Variants in HS6ST2 observed in about 807,000 individuals in gnomAD.
The protein encoded by HS6ST2 is heparan sulfate 6-O-sulfotransferase 2.
A neutral mutation model predicts 33.0 loss-of-function variants in HS6ST2; 17 were observed. The ratio of observed to expected loss-of-function variants is 0.52; its 90% confidence interval spans 0.35 to 0.77. HS6ST2 has a LOEUF of 0.77. HS6ST2 is among the 30% of genes least tolerant of loss of function. The pLI is 0.01. For missense variants in HS6ST2, 519 were observed against 551.7 expected, an observed-to-expected ratio of 0.94 and a Z score of 0.59; for synonymous variants, 248 against 237.1, an observed-to-expected ratio of 1.05 and a Z score of -0.42.
chrX:132,867,644 A>C (rs2066004138), intron 2 of HS6ST2, among the ~76,000 whole-genome samples: 1 of 111,428 alleles, frequency 9.0e-6, no homozygotes, highest in South Asian at 3.8e-4. Flanking sequence ...ATTGATTATA[A>C]GAAAACAATT....
chrX:132,945,408 G>T (rs1010125679), intron 2 of HS6ST2, among the ~76,000 whole-genome samples: 32 of 111,816 alleles, frequency 2.9e-4, no homozygotes, highest in Non-Finnish European at 3.8e-4. Flanking sequence ...CTGTTGCTGG[G>T]ACTGTAAACT....
intron 2 of HS6ST2, among the ~76,000 whole-genome samples, chrX:132,888,870 CAT>C (rs1491365937): frequency 6.3e-5 from 7 of 110,558 alleles, no homozygotes; most frequent in East Asian, 2.9e-4. Flanking sequence ...TGCTTGTGTG[CAT>C]GTGTGTGTGT....
At chrX:132,642,778 T>A (rs1432963376) in intron 4 of HS6ST2, among the ~76,000 whole-genome samples, 1 of 112,397 alleles carries the variant, frequency 8.9e-6, no homozygotes, top group Non-Finnish European at 1.9e-5. Flanking sequence ...ACTGAAGACA[T>A]GAAGATCCTG....
intron 2 of HS6ST2, among the ~76,000 whole-genome samples, chrX:132,737,909 CG>C (rs2064524654): frequency 8.9e-6 from 1 of 112,351 alleles, no homozygotes; most frequent in African/African-American, 3.2e-5. Context: ...CCAGAGAAGA[CG>C]CCTGCAGGGT....
intron 2 of HS6ST2, among the ~76,000 whole-genome samples, chrX:132,869,577 T>A (rs140296622): frequency 6.9e-4 from 77 of 112,165 alleles, no homozygotes; most frequent in African/African-American, 2.4e-3. Flanking sequence ...CATGATCAAG[T>A]CAGCTTCATT....
chrX:132,846,927 C>T (rs1438076199), intron 2 of HS6ST2, among the ~76,000 whole-genome samples: 1 of 110,669 alleles, frequency 9.0e-6, no homozygotes, highest in African/African-American at 3.3e-5. Context: ...GTCCACCTGC[C>T]ATGGAATCCC....
At chrX:132,822,935 G>A (rs2065474302) in intron 2 of HS6ST2, among the ~76,000 whole-genome samples, 1 of 112,294 alleles carries the variant, frequency 8.9e-6, no homozygotes, top group Non-Finnish European at 1.9e-5. Flanking sequence ...CATTACTGGG[G>A]AGCCAAGAGT....
rs867560276 is a variant in HS6ST2 at position 132,785,548 on chromosome X, T to C, written c.948-77054A>G. On this transcript the variant is annotated intron_variant, in intron 2 of 4. Coordinates refer to ENST00000370833, the MANE Select transcript of HS6ST2 (RefSeq NM_001394073.1). ...CCCTATAATGCAGCCCATTTGACTA[T>C]AAATCACTCCCAAAGGGACACACTA... Among the ~76,000 whole-genome samples the C allele has an allele frequency of 1.2e-4, 13 of 112,079 alleles. No individual in the cohort carries two copies. The South Asian group carries it at 3.4e-3, about 29-fold the overall frequency.
chrX:132,734,716 T>C (rs1241506670), intron 2 of HS6ST2, among the ~76,000 whole-genome samples: 2 of 112,493 alleles, frequency 1.8e-5, no homozygotes, highest in Non-Finnish European at 3.8e-5. Flanking sequence ...GCTGTCTCTT[T>C]ACAAGCAAAG....
intron 2 of HS6ST2, among the ~76,000 whole-genome samples, chrX:132,908,099 A>G (rs1022588014): frequency 8.9e-6 from 1 of 112,387 alleles, no homozygotes; most frequent in Non-Finnish European, 1.9e-5. Flanking sequence ...TCAAATAAGC[A>G]AAGAATCTGA....
chrX:132,683,121 C>T (rs1001584232), intron 3 of HS6ST2, among the ~76,000 whole-genome samples: 1 of 110,223 alleles, frequency 9.1e-6, no homozygotes, highest in Non-Finnish European at 1.9e-5. Flanking sequence ...CTCAATCAAT[C>T]AATCAATCAA....
At chrX:132,862,517 A>C (rs998876885) in intron 2 of HS6ST2, among the ~76,000 whole-genome samples, 1 of 112,455 alleles carries the variant, frequency 8.9e-6, no homozygotes, top group Non-Finnish European at 1.9e-5. Flanking sequence ...TCTACATGTA[A>C]TATGAGAATC....
intron 2 of HS6ST2, among the ~76,000 whole-genome samples, chrX:132,722,884 C>A (rs868171203): frequency 2.5e-3 from 209 of 82,032 alleles, no homozygotes; most frequent in African/African-American, 6.7e-3. Context: ...AATAAAAAAA[C>A]AAAAAAAAAA....
intron 3 of HS6ST2, among the ~76,000 whole-genome samples, chrX:132,680,062 C>T (rs185720409): frequency 9.4e-6 from 1 of 105,865 alleles, no homozygotes; most frequent in East Asian, 2.9e-4. Context: ...TCCTCCTCGG[C>T]TTACGAGATG....
intron 2 of HS6ST2, among the ~76,000 whole-genome samples, chrX:132,945,101 G>C (rs942820150): frequency 2.7e-5 from 3 of 111,523 alleles, no homozygotes; most frequent in African/African-American, 6.5e-5. Context: ...TTGCAATCTA[G>C]CCATCTGACA....
chrX:132,810,248 T>A (rs1244680128), intron 2 of HS6ST2, among the ~76,000 whole-genome samples: 2 of 109,325 alleles, frequency 1.8e-5, no homozygotes, highest in East Asian at 5.8e-4. Flanking sequence ...TCTGTAATTT[T>A]TTTTTTAAAC....
chrX:132,658,900 G>T (rs1269300200), intron 4 of HS6ST2, among the ~76,000 whole-genome samples: 1 of 111,375 alleles, frequency 9.0e-6, no homozygotes, highest in Non-Finnish European at 1.9e-5. Context: ...CTGCCATACT[G>T]CATGGGCCTA....
In HS6ST2 at chrX:132,686,048, T is replaced by C. The variant is rs183708191; in HGVS notation, c.981-16849A>G. 2.0e-4 allele frequency among the ~76,000 whole-genome samples: 22 copies of C among 111,835 alleles called. No individual in the cohort carries two copies. In the East Asian group the frequency reaches 4.2e-3, roughly 21 times the overall value. On this transcript the variant is annotated intron_variant, in intron 3 of 4. Coordinates refer to ENST00000370833, the MANE Select transcript of HS6ST2 (RefSeq NM_001394073.1). ...ACTGTTCATTAATTTTCACAGTAGA[T>C]ATAGGTGAAAGGACAAGATACCAAG...
rs377162097 is a variant in HS6ST2 at position 132,752,341 on chromosome X, G to A, written c.948-43847C>T. On this transcript the variant is annotated intron_variant, in intron 2 of 4. Coordinates refer to ENST00000370833, the MANE Select transcript of HS6ST2 (RefSeq NM_001394073.1). ...ACAAAATTTAGCCGGGTGTGGTGGC[G>A]CACATCTGTGGTCACAACTACTTGG... Among the ~76,000 whole-genome samples, 18 of 109,756 alleles carry A rather than the reference G, an allele frequency of 1.6e-4. No homozygotes were observed. The East Asian group carries it at 1.7e-3, about 11-fold the overall frequency.
Sources: gnomAD v4.1 joint callset for allele counts (sites outside exome capture counted in the v4.1 genomes callset) on GRCh38, gnomAD v4.1.1 for gene constraint, MANE v1.5 for transcripts, NCBI Gene and HGNC (gene_info 2026-07-23, HGNC 2026-07-21) for gene names.